SEC24B: variants seen among roughly 807,000 people sequenced by gnomAD.
SEC24B encodes SEC24 homolog B, COPII component.
Under a neutral mutation model 142.8 loss-of-function variants are expected in SEC24B, and 45 were observed. The ratio of observed to expected loss-of-function variants is 0.32; its 90% CI spans 0.25 to 0.40. The LOEUF is 0.40. SEC24B is among the 10% of genes least tolerant of loss of function. The probability of loss-of-function intolerance (pLI) is 1.00; values close to 1 mark genes in which losing one functional copy is unlikely to be tolerated. For missense variants in SEC24B, 1,409 were observed against 1,526.8 expected, an observed-to-expected ratio of 0.92 and a Z score of 1.29; for synonymous variants, 574 against 568.2, an observed-to-expected ratio of 1.01 and a Z score of -0.15.
intron 4 of SEC24B, among the ~76,000 whole-genome samples, chr4:109,486,136 CTG>C (rs1734328956): frequency 6.6e-6 from 1 of 152,054 alleles, no homozygotes; most frequent in Admixed American, 6.6e-5. Context: ...TCTGTTATAC[CTG>C]TGATATCTGT....
chr4:109,435,616 C>G (rs552643217), intron 1 of SEC24B, among the ~76,000 whole-genome samples: 21 of 152,340 alleles, frequency 1.4e-4, no homozygotes, highest in Admixed American at 3.9e-4. Flanking sequence ...GATATGTACT[C>G]AGCCAAGTGT....
chr4:109,485,439 G>T (rs1185617350), intron 4 of SEC24B, among the ~76,000 whole-genome samples: 1 of 152,154 alleles, frequency 6.6e-6, no homozygotes, highest in East Asian at 1.9e-4. Flanking sequence ...AACATAAACG[G>T]CCAGAGTAGG....
intron 6 of SEC24B, among the ~76,000 whole-genome samples, chr4:109,503,087 T>C (rs1314961286): frequency 1.3e-5 from 2 of 148,680 alleles, no homozygotes; most frequent in Non-Finnish European, 3.0e-5. Context: ...TGAGACGGAG[T>C]CTTGCTCTTT....
intron 1 of SEC24B, among the ~76,000 whole-genome samples, chr4:109,456,553 A>C (rs1730714295): frequency 6.6e-6 from 1 of 152,032 alleles, no homozygotes; most frequent in Non-Finnish European, 1.5e-5. Flanking sequence ...AGTCCTTATC[A>C]GGTTAAGAAA....
chr4:109,463,225 C>A lies in SEC24B; in HGVS notation c.458C>A (p.Ser153Tyr), dbSNP rs746946726. 8.7e-6 allele frequency: 14 copies of A among 1,614,200 alleles called. No individual in the cohort carries two copies. The highest frequency in any genetic ancestry group is 1.2e-5 in the Non-Finnish European group (14 of 1,180,044). ...CATACGAGTGCCTCCCAACCATACT[C>A]CTCTTTTGTGAATCACTACAATAGT... is the stretch of plus-strand genomic sequence containing the variant. ...HLHTSASQPY[S>Y]SFVNHYNSPA... Residue 153 changes from serine to tyrosine, a missense_variant, in exon 2 of 24, where the codon TCC (serine) becomes TAC (tyrosine). Ser to Tyr is a moderately radical substitution (Grantham distance 144). This residue lies in a region of SEC24B where 709 missense variants were observed against 673.5 expected (regional missense o/e 1.05). Transcript: ENST00000265175.
intron 14 of SEC24B, among the ~76,000 whole-genome samples, chr4:109,524,109 C>CTTTGAT (rs1159471903): frequency 2.6e-5 from 4 of 152,062 alleles, no homozygotes; most frequent in Non-Finnish European, 5.9e-5. Flanking sequence ...TTACTGAATC[C>CTTTGAT]TTTGATAGAG....
At chr4:109,510,776 C>T (rs1018856419) in intron 8 of SEC24B, among the ~76,000 whole-genome samples, 1 of 152,012 alleles carries the variant, frequency 6.6e-6, no homozygotes, top group Non-Finnish European at 1.5e-5. Context: ...TTTATTTGTA[C>T]TTCATAAGTT....
chr4:109,443,072 C>T (rs949078405), intron 1 of SEC24B, among the ~76,000 whole-genome samples: 10 of 152,276 alleles, frequency 6.6e-5, no homozygotes, highest in African/African-American at 2.4e-4. Flanking sequence ...TATTTCCCTG[C>T]TCCATTCCCA....
At chr4:109,500,461 T>G (rs1342911105) in intron 6 of SEC24B, among the ~76,000 whole-genome samples, 1 of 150,680 alleles carries the variant, frequency 6.6e-6, no homozygotes, top group East Asian at 2.0e-4. Flanking sequence ...GGAGAATTGC[T>G]TGAACCCAGG....
At chr4:109,475,994 T>C (rs1053276688) in intron 3 of SEC24B, among the ~76,000 whole-genome samples, 65 of 150,918 alleles carry the variant, frequency 4.3e-4, no homozygotes, top group African/African-American at 1.6e-3. Context: ...CTCTCTCTTT[T>C]TTTTTTTTTT....
intron 1 of SEC24B, among the ~76,000 whole-genome samples, chr4:109,453,440 G>GGC (rs1730322674): frequency 1.2e-4 from 5 of 41,078 alleles, no homozygotes; most frequent in African/African-American, 2.4e-4. Context: ...GCCATTTTAG[G>GGC]CCCCCCCCCC....
At chr4:109,490,696 G>A (rs925005017) in intron 4 of SEC24B, among the ~76,000 whole-genome samples, 1 of 152,162 alleles carries the variant, frequency 6.6e-6, no homozygotes, top group South Asian at 2.1e-4. Flanking sequence ...TTTTGAATGA[G>A]CACACATAAT....
At chr4:109,494,295 A>T (rs1322395537) in intron 5 of SEC24B, among the ~76,000 whole-genome samples, 1 of 152,076 alleles carries the variant, frequency 6.6e-6, no homozygotes, top group African/African-American at 2.4e-5. Flanking sequence ...CTCTATTTTA[A>T]AAAAAAGAAA....
At chr4:109,526,946 C>G (rs997456338) in intron 17 of SEC24B, among the ~76,000 whole-genome samples, 4 of 152,172 alleles carry the variant, frequency 2.6e-5, no homozygotes, top group Admixed American at 2.6e-4. Context: ...CTGGATGTGG[C>G]GGTGGCTCAC....
At position 109,526,311 on chromosome 4, in the gene SEC24B, A is replaced by T; in HGVS notation, c.2877A>T (p.Gly959=). ...TTGCCAACATCAATCCTGATGCTGGATTTGCGGTGCAGTTGTCAATTGAAG... is the reference window on the plus strand; with the variant it reads ...TTGCCAACATCAATCCTGATGCTGGTTTTGCGGTGCAGTTGTCAATTGAAG... ...LSLANINPDA[G]FAVQLSIEES... is the part of the protein sequence containing the mutation. The change falls in exon 17 of 24, where the codon GGA becomes GGT. Residue 959 remains glycine, a synonymous_variant. Coordinates refer to ENST00000265175, the MANE Select transcript of SEC24B (RefSeq NM_006323.5). 1 of 1,613,924 alleles carries T rather than the reference A, an allele frequency of 6.2e-7. No individual in the cohort carries two copies. Among genetic ancestry groups the T allele is most frequent in the Non-Finnish European group, 8.5e-7 (1 of 1,179,906 alleles).
chr4:109,488,578 TCAA>T (rs943346061), intron 4 of SEC24B: 7 of 153,310 alleles, frequency 4.6e-5, no homozygotes, highest in Non-Finnish European at 1.0e-4. Context: ...TGAACATTTG[TCAA>T]CAAGTTTTTG....
At chr4:109,497,096 C>G (rs1241126646) in intron 6 of SEC24B, among the ~76,000 whole-genome samples, 7 of 152,228 alleles carry the variant, frequency 4.6e-5, no homozygotes, top group Admixed American at 1.3e-4. Flanking sequence ...TATTGCAATA[C>G]AGCCATGCCC....
intron 4 of SEC24B, among the ~76,000 whole-genome samples, chr4:109,484,982 A>G (rs1160144181): frequency 6.6e-6 from 1 of 152,182 alleles, no homozygotes; most frequent in Non-Finnish European, 1.5e-5. Context: ...ATAATACCTA[A>G]CATTTTTAGC....
intron 3 of SEC24B, 147 bp downstream of exon 3, chr4:109,473,333 C>T: frequency 4.0e-6 from 2 of 495,784 alleles, no homozygotes; most frequent in Non-Finnish European, 6.8e-6. Flanking sequence ...TACATAATTA[C>T]ATACCATTTT....
Sources: gnomAD v4.1 joint callset for allele counts (sites outside exome capture counted in the v4.1 genomes callset) on GRCh38, gnomAD v4.1.1 for gene constraint, gnomAD v4.1.1 regional missense constraint, MANE v1.5 for transcripts, NCBI Gene and HGNC (gene_info 2026-07-23, HGNC 2026-07-21) for gene names.